Variants in PTPRN2 observed in about 807,000 individuals in gnomAD.
PTPRN2 encodes protein tyrosine phosphatase receptor type N2, also known as receptor-type tyrosine-protein phosphatase N2.
A neutral mutation model predicts 118.8 loss-of-function variants in PTPRN2; 74 were observed. The ratio of observed to expected loss-of-function variants is 0.62; its 90% confidence interval spans 0.52 to 0.76. The LOEUF is 0.76. Among genes scored for constraint, PTPRN2 ranks in the 30% least tolerant of loss-of-function variants. PTPRN2 has a pLI of 0.00. For synonymous variants in PTPRN2, 641 were observed against 608.0 expected (o/e 1.05, Z -0.80); for missense variants, 1,481 against 1,394.4 (o/e 1.06, Z -0.99).
intron 2 of PTPRN2, among the ~76,000 whole-genome samples, chr7:158,338,018 A>G (rs1366346746): frequency 1.8e-3 from 97 of 53,098 alleles, no homozygotes; most frequent in African/African-American, 6.2e-3. Context: ...TGACACCTGC[A>G]GACGTCACTC....
chr7:157,857,638 A>G (rs1183045740), intron 12 of PTPRN2: 1 of 151,994 alleles, frequency 6.6e-6, no homozygotes, highest in Non-Finnish European at 1.5e-5. Context: ...TGGGATGACA[A>G]CCAGATCCAG....
At chr7:158,318,712 G>A (rs1381154908) in intron 2 of PTPRN2, among the ~76,000 whole-genome samples, 1 of 152,378 alleles carries the variant, frequency 6.6e-6, no homozygotes, top group East Asian at 1.9e-4. Flanking sequence ...CCGGCTGCCT[G>A]CAGCTCCCCG....
intron 14 of PTPRN2, among the ~76,000 whole-genome samples, chr7:157,643,324 T>C (rs973832889): frequency 6.6e-6 from 1 of 152,256 alleles, no homozygotes; most frequent in African/African-American, 2.4e-5. Context: ...AGCACTAGCA[T>C]GGCTCTAGCA....
intron 1 of PTPRN2, among the ~76,000 whole-genome samples, chr7:158,495,068 C>T (rs1312187021): frequency 6.6e-6 from 1 of 152,092 alleles, no homozygotes; most frequent in Non-Finnish European, 1.5e-5. Flanking sequence ...CCCCAGGAAC[C>T]CCAGTCCCTA....
chr7:157,848,075 C>G (rs1808998773), intron 12 of PTPRN2, among the ~76,000 whole-genome samples: 1 of 148,678 alleles, frequency 6.7e-6, no homozygotes, highest in Middle Eastern at 3.7e-3. Context: ...CTCTCACTCC[C>G]TCATGGGTGC....
Position 158,189,566 on chromosome 7 carries a change from G to C in PTPRN2, c.549+2761C>G, listed in dbSNP as rs553358995. Among the ~76,000 whole-genome samples, 83 of 152,334 alleles carry C rather than the reference G, an allele frequency of 5.4e-4. 3 individuals are homozygous for C. In the South Asian group the frequency reaches 0.016, roughly 29 times the overall value. ...AGGTGAGCACGCCACTGTCAAGTCA[G>C]GGGGGAAAGACAGGAAACTGCTTCA... is the stretch of plus-strand genomic sequence containing the variant. On this transcript the variant is annotated intron_variant, in intron 5 of 22. Coordinates refer to ENST00000389418, the MANE Select transcript of PTPRN2 (RefSeq NM_002847.5).
chr7:158,252,971 C>T (rs1355296593), intron 3 of PTPRN2, among the ~76,000 whole-genome samples: 2 of 152,128 alleles, frequency 1.3e-5, no homozygotes, highest in East Asian at 3.9e-4. Context: ...CCCTGTGGCC[C>T]GAGGTTCCTC....
chr7:158,381,302 C>T lies in PTPRN2; in HGVS notation c.164-64370G>A, dbSNP rs1477055592. ...CCTACAAAACCAAGCACCCAAGTCA[C>T]CTTTTGAATGCTTTGCTGCTTAGAA... On this transcript the variant is annotated intron_variant, in intron 2 of 22. Transcript: ENST00000389418. Among the ~76,000 whole-genome samples, 3 of 152,326 alleles carry T rather than the reference C, an allele frequency of 2.0e-5. No homozygotes were observed. In the South Asian group the frequency reaches 6.2e-4, roughly 32 times the overall value.
In PTPRN2 at chr7:158,544,918, A is replaced by C. The variant is rs867840602; in HGVS notation, c.112+42640T>G. Among the ~76,000 whole-genome samples, 17 of 151,886 alleles carry C rather than the reference A, an allele frequency of 1.1e-4. No homozygotes were observed. Among genetic ancestry groups the C allele is most frequent in the Middle Eastern group, 3.4e-3 (1 of 294 alleles). On this transcript the variant is annotated intron_variant, in intron 1 of 22. Coordinates refer to ENST00000389418, the MANE Select transcript of PTPRN2 (RefSeq NM_002847.5). This position sits in a 1 kb window ranked among gnomAD's most constrained non-coding sequence, Gnocchi z 4.2. Reference sequence around the variant, plus strand: ...TGCTCACACTCACGTGATCACACCCACTCTTTCTTCTTGTGGAAAGCCCCA... The same window carrying C: ...TGCTCACACTCACGTGATCACACCCCCTCTTTCTTCTTGTGGAAAGCCCCA...
At chr7:158,085,361 C>A (rs1813252542) in intron 10 of PTPRN2, among the ~76,000 whole-genome samples, 2 of 112,952 alleles carry the variant, frequency 1.8e-5, no homozygotes, top group Non-Finnish European at 3.6e-5. Context: ...CCATCCACAC[C>A]CACGACGCCC....
chr7:157,625,394 A>T (rs1232938951), intron 14 of PTPRN2, among the ~76,000 whole-genome samples: 1 of 152,252 alleles, frequency 6.6e-6, no homozygotes, highest in African/African-American at 2.4e-5. Context: ...GGAATACTAC[A>T]CAGCCATAAA....
chr7:158,059,205 G>A (rs1585298555), intron 11 of PTPRN2, among the ~76,000 whole-genome samples: 4 of 111,000 alleles, frequency 3.6e-5, no homozygotes, highest in East Asian at 2.9e-4. Context: ...CACTCCATCT[G>A]CCCACAGTGA....
chr7:157,908,243 C>T (rs1200316773), intron 11 of PTPRN2, among the ~76,000 whole-genome samples: 2 of 152,156 alleles, frequency 1.3e-5, no homozygotes, highest in African/African-American at 4.8e-5. Context: ...CAGGCCGAGC[C>T]GCAGCATGAT....
At chr7:158,026,793 C>T (rs904072682) in intron 11 of PTPRN2, among the ~76,000 whole-genome samples, 1 of 152,140 alleles carries the variant, frequency 6.6e-6, no homozygotes, top group Non-Finnish European at 1.5e-5. Flanking sequence ...TCCACGTATA[C>T]CGTGACAGGT....
intron 12 of PTPRN2, among the ~76,000 whole-genome samples, chr7:157,683,258 CCTT>C (rs969044806): frequency 3.9e-5 from 6 of 152,196 alleles, no homozygotes; most frequent in Admixed American, 2.6e-4. Context: ...AGTATCCATC[CCTT>C]CTTCTAACCG....
rs140983157 is a variant in PTPRN2 at position 157,901,184 on chromosome 7, G to A, written c.1724-2447C>T. Among the ~76,000 whole-genome samples the A allele has an allele frequency of 1.8e-4, 27 of 152,298 alleles. No homozygotes were observed. The East Asian group carries it at 3.5e-3, about 20-fold the overall frequency. ...ACAGGAGTTAAGAGAGCGAGAAGTC[G>A]CTCACCTCCACCCTGGGAGGGCATG... is the stretch of plus-strand genomic sequence containing the variant. On this transcript the variant is annotated intron_variant, in intron 11 of 22. Coordinates refer to ENST00000389418, the MANE Select transcript of PTPRN2 (RefSeq NM_002847.5).
intron 12 of PTPRN2, among the ~76,000 whole-genome samples, chr7:157,846,859 C>G (rs1393651864): frequency 6.6e-6 from 1 of 151,712 alleles, no homozygotes; most frequent in Non-Finnish European, 1.5e-5. Flanking sequence ...AGCCCTCTCT[C>G]ACTCCATCAC....
chr7:158,540,808 C>T (rs932357448), intron 1 of PTPRN2, among the ~76,000 whole-genome samples: 1 of 152,244 alleles, frequency 6.6e-6, no homozygotes, highest in Admixed American at 6.5e-5. Flanking sequence ...TCGGGGCCTC[C>T]ATCGACCTGT....
In PTPRN2 at chr7:157,861,610, A is replaced by G. The variant is rs2151234431; in HGVS notation, c.1788+37063T>C. The stretch of plus-strand genomic sequence containing the variant: ...TGGGGCTGCCAGAACAAAGGACTCC[A>G]GACGGATGGGCTTGAAACAGTGGAT... On this transcript the variant is annotated intron_variant, in intron 12 of 22. Coordinates refer to ENST00000389418, the MANE Select transcript of PTPRN2 (RefSeq NM_002847.5). This position sits in a 1 kb window ranked among gnomAD's most constrained non-coding sequence, Gnocchi z 5.8. Among the ~76,000 whole-genome samples the G allele has an allele frequency of 6.6e-6, 1 of 152,346 alleles. No individual in the cohort carries two copies. The highest frequency in any genetic ancestry group is 2.1e-4 in the South Asian group (1 of 4,828).
Sources: gnomAD v4.1 joint callset for allele counts (sites outside exome capture counted in the v4.1 genomes callset) on GRCh38, gnomAD v4.1.1 for gene constraint, Gnocchi (gnomAD v3.1) non-coding constraint, MANE v1.5 for transcripts, NCBI Gene and HGNC (gene_info 2026-07-23, HGNC 2026-07-21) for gene names.